The following RHOBTB1 variants were observed in gnomAD, a reference collection of about 807,000 sequenced individuals.
RHOBTB1 encodes Rho related BTB domain containing 1.
In RHOBTB1, 40 loss-of-function variants were observed where a neutral mutation model predicts 71.6. The ratio of observed to expected loss-of-function variants is 0.56; its 90% CI spans 0.43 to 0.73. The LOEUF is 0.73. Among genes scored for constraint, RHOBTB1 ranks in the 30% least tolerant of loss-of-function variants. RHOBTB1 has a pLI of 0.00. For synonymous variants in RHOBTB1, 319 were observed against 334.9 expected, an observed-to-expected ratio of 0.95 and a Z score of 0.52; for missense variants, 797 against 894.0, an observed-to-expected ratio of 0.89 and a Z score of 1.38.
chr10:60,926,319 C>A (rs2083881184), intron 2 of RHOBTB1, among the ~76,000 whole-genome samples: 1 of 152,168 alleles, frequency 6.6e-6, no homozygotes, highest in African/African-American at 2.4e-5. Context: ...GAATTAATAG[C>A]AATCCTACTC....
intron 2 of RHOBTB1, among the ~76,000 whole-genome samples, chr10:60,966,742 G>T (rs901199050): frequency 6.6e-6 from 1 of 150,936 alleles, no homozygotes; most frequent in Non-Finnish European, 1.5e-5. Flanking sequence ...CAACGTGCAG[G>T]TTTGTTACAT....
chr10:60,892,068 C>T (rs2081950849), intron 5 of RHOBTB1, among the ~76,000 whole-genome samples: 1 of 152,214 alleles, frequency 6.6e-6, no homozygotes, highest in South Asian at 2.1e-4. Flanking sequence ...GAGGCCTCCG[C>T]AGCCATGCTA....
chr10:60,904,525 A>T (rs1019689484), intron 4 of RHOBTB1, among the ~76,000 whole-genome samples: 1 of 152,162 alleles, frequency 6.6e-6, no homozygotes, highest in Non-Finnish European at 1.5e-5. Context: ...ATCACACAGT[A>T]TGTGCTCTTT....
intron 3 of RHOBTB1, 150 bp from the exon 4 acceptor site, chr10:60,911,140 C>T (rs1049820692): frequency 3.0e-5 from 23 of 755,384 alleles, no homozygotes; most frequent in South Asian, 8.8e-5. Flanking sequence ...GTCTTAATTC[C>T]CTTCCTGGAA....
chr10:60,908,088 G>C (rs1487297598), intron 4 of RHOBTB1, among the ~76,000 whole-genome samples: 2 of 152,166 alleles, frequency 1.3e-5, no homozygotes, highest in East Asian at 3.9e-4. Flanking sequence ...AATCATAAGA[G>C]AGCAATAACA....
chr10:60,932,067 TAAG>T (rs1269804267), intron 2 of RHOBTB1, among the ~76,000 whole-genome samples: 3 of 152,208 alleles, frequency 2.0e-5, no homozygotes, highest in African/African-American at 7.2e-5. Context: ...TTACATTCAT[TAAG>T]AAGAAAGTAG....
intron 2 of RHOBTB1, among the ~76,000 whole-genome samples, chr10:60,931,648 C>T (rs904723969): frequency 2.6e-5 from 4 of 152,034 alleles, no homozygotes; most frequent in African/African-American, 9.7e-5. Flanking sequence ...TACACTTATA[C>T]AACCCAATAA....
intron 4 of RHOBTB1, among the ~76,000 whole-genome samples, chr10:60,903,031 C>T (rs368573726): frequency 6.6e-6 from 1 of 152,130 alleles, no homozygotes; most frequent in Non-Finnish European, 1.5e-5. Flanking sequence ...ACAGTTATTG[C>T]TACGATAGGG....
At chr10:60,947,143 A>C (rs997872227), upstream of RHOBTB1, among the ~76,000 whole-genome samples, 12 of 152,194 alleles carry the variant, frequency 7.9e-5, no homozygotes, top group Non-Finnish European at 2.9e-5. Flanking sequence ...AATCATATCA[A>C]ATAACGCCTG....
upstream of RHOBTB1, among the ~76,000 whole-genome samples, chr10:60,944,689 C>A (rs536276836): frequency 4.3e-4 from 66 of 152,296 alleles, no homozygotes; most frequent in African/African-American, 1.5e-3. Flanking sequence ...AGGAGCTGAC[C>A]GGCCGCGGAC....
rs370670323 is a variant in RHOBTB1 at position 60,880,177 on chromosome 10, C to CTCTGTGTGTGTGTGTGTG, written c.1576-2120_1576-2119insCACACACACACACACAGA. Among the ~76,000 whole-genome samples, 214 of 100,554 alleles carry CTCTGTGTGTGTGTGTGTG rather than the reference C, an allele frequency of 2.1e-3. 3 individuals carry two copies. The highest frequency in any genetic ancestry group is 6.0e-3 in the South Asian group (16 of 2,672). 66.0% of individuals were successfully genotyped at this position (100,554 alleles called of 152,430 possible). On this transcript the variant is annotated intron_variant, in intron 7 of 10. Transcript: ENST00000337910. ...GTCCCTCACAGATACTGAGGGATGA[C>CTCTGTGTGTGTGTGTGTG]TGTGTGTGTGTGTGTGTGTGTGTGT...
At chr10:60,930,678 T>G (rs2084192071) in intron 2 of RHOBTB1, among the ~76,000 whole-genome samples, 1 of 152,184 alleles carries the variant, frequency 6.6e-6, no homozygotes, top group Non-Finnish European at 1.5e-5. Flanking sequence ...TCACCTATTA[T>G]GCACCTTACA....
Position 60,886,274 on chromosome 10 carries a change from G to A in RHOBTB1, c.1457-44C>T, listed in dbSNP as rs2081570401. 5 of 1,483,660 alleles carry A rather than the reference G, an allele frequency of 3.4e-6. No individual in the cohort carries two copies. The African/African-American group carries it at 6.9e-5, about 21-fold the overall frequency. 91.9% of individuals were successfully genotyped at this position (1,483,660 alleles called of 1,614,324 possible). ...AACACAACCATGAGCCAACTTTGCT[G>A]AGAGCTTCAACCAAGGCTTCTGCTC... is the stretch of plus-strand genomic sequence containing the variant. On this transcript the variant is annotated intron_variant, in intron 6 of 10. Transcript: ENST00000337910.
Position 60,888,875 on chromosome 10 carries a change from A to G in RHOBTB1, c.793T>C (p.Cys265Arg). 1.9e-6 allele frequency: 3 copies of G among 1,614,214 alleles called. No individual in the cohort carries two copies. Among genetic ancestry groups the G allele is most frequent in the Non-Finnish European group, 2.5e-6 (3 of 1,180,026 alleles). The stretch of plus-strand genomic sequence containing the variant: ...TGAAGGATGAACAGAACATCGGCAC[A>G]TAGAGGATTGTCCAGTAAACAGGCA... ...EAACLLDNPL[C>R]ADVLFILQDQ... Residue 265 changes from cysteine (C) to arginine (R), a missense_variant, in exon 6 of 11, where the codon TGT becomes CGT. Transcript: ENST00000337910.
intron 2 of RHOBTB1, among the ~76,000 whole-genome samples, chr10:60,974,272 A>G (rs916978084): frequency 6.6e-6 from 1 of 152,090 alleles, no homozygotes; most frequent in South Asian, 2.1e-4. Flanking sequence ...TTCAATTGAC[A>G]AAACGTAATA....
chr10:60,961,810 TG>T (rs1437439857), intron 2 of RHOBTB1, among the ~76,000 whole-genome samples: 1,618 of 116,548 alleles, frequency 0.014, 39 homozygotes, highest in African/African-American at 0.06. Context: ...AACCTTTTTT[TG>T]TTTTTTTTTT....
intron 2 of RHOBTB1, among the ~76,000 whole-genome samples, chr10:60,964,870 A>G (rs564685489): frequency 6.6e-6 from 1 of 152,180 alleles, no homozygotes; most frequent in African/African-American, 2.4e-5. Flanking sequence ...AACCTTCTTT[A>G]TAAAAATTAG....
chr10:60,862,379 G>C, the RHOBTB1 span, among the ~76,000 whole-genome samples: 1 of 151,854 alleles, frequency 6.6e-6, no homozygotes, highest in Admixed American at 6.6e-5. Flanking sequence ...TGTATTTTTA[G>C]TAGAGATAGC....
At chr10:60,974,507 T>C (rs1383222957) in intron 2 of RHOBTB1, among the ~76,000 whole-genome samples, 1 of 152,096 alleles carries the variant, frequency 6.6e-6, no homozygotes, top group East Asian at 1.9e-4. Flanking sequence ...TATACATAGC[T>C]AAATGATTAG....
Sources: gnomAD v4.1 joint callset for allele counts (sites outside exome capture counted in the v4.1 genomes callset) on GRCh38, gnomAD v4.1.1 for gene constraint, MANE v1.5 for transcripts, NCBI Gene and HGNC (gene_info 2026-07-23, HGNC 2026-07-21) for gene names.